The following AFG2A variants were observed in gnomAD, a reference collection of about 807,000 sequenced individuals.
AFG2A encodes AAA ATPase AFG2A.
At chr4:123,003,028 T>C in the AFG2A span, among the ~76,000 whole-genome samples, 1 of 152,198 alleles carries the variant, frequency 6.6e-6, no homozygotes, top group Admixed American at 6.5e-5. Context: ...TTCTCTAAAC[T>C]TCCCTTCTTG....
the AFG2A span, among the ~76,000 whole-genome samples, chr4:123,043,005 C>A: frequency 6.6e-6 from 1 of 152,130 alleles, no homozygotes; most frequent in African/African-American, 2.4e-5. Context: ...ATCTAGGTTT[C>A]CATTTGATAT....
At chr4:123,225,698 T>C in the AFG2A span, among the ~76,000 whole-genome samples, 3 of 152,334 alleles carry the variant, frequency 2.0e-5, 1 homozygote, top group South Asian at 6.2e-4. Context: ...ATGTAGGCTC[T>C]TTTTTGGTTC....
At chr4:123,096,183 A>G in the AFG2A span, among the ~76,000 whole-genome samples, 1 of 151,748 alleles carries the variant, frequency 6.6e-6, no homozygotes, top group African/African-American at 2.4e-5. Flanking sequence ...GCTTTTTTCT[A>G]CCTCCTGCTT....
At chr4:123,107,277 G>A in the AFG2A span, among the ~76,000 whole-genome samples, 1 of 152,214 alleles carries the variant, frequency 6.6e-6, no homozygotes, top group East Asian at 1.9e-4. Flanking sequence ...TGGGTCCTGA[G>A]TTCTTGTCCC....
chr4:123,297,718 CA>C, the AFG2A span, among the ~76,000 whole-genome samples: 14 of 143,684 alleles, frequency 9.7e-5, no homozygotes, highest in African/African-American at 1.3e-4. Context: ...GACTCCATCT[CA>C]AAAAAAAAAA....
the AFG2A span, among the ~76,000 whole-genome samples, chr4:123,222,693 T>A: frequency 6.6e-6 from 1 of 152,150 alleles, no homozygotes; most frequent in Non-Finnish European, 1.5e-5. Context: ...TAACTCCTCA[T>A]TTCCCCCTCT....
the AFG2A span, among the ~76,000 whole-genome samples, chr4:123,244,469 G>A: frequency 0.012 from 1,777 of 152,212 alleles, 31 homozygotes; most frequent in African/African-American, 0.04. Flanking sequence ...ATCACCACTC[G>A]GCGTCACCAC....
the AFG2A span, among the ~76,000 whole-genome samples, chr4:122,975,067 G>A: frequency 2.7e-4 from 41 of 152,082 alleles, no homozygotes; most frequent in Non-Finnish European, 2.9e-4. Flanking sequence ...ATTTATCATC[G>A]TCTTAGTCCA....
chr4:123,291,529 C>T, the AFG2A span, among the ~76,000 whole-genome samples: 1 of 152,238 alleles, frequency 6.6e-6, no homozygotes, highest in East Asian at 1.9e-4. Context: ...TGACAAATTC[C>T]CTCAGCATTT....
the AFG2A span, among the ~76,000 whole-genome samples, chr4:123,013,148 A>AG: frequency 6.6e-6 from 1 of 152,090 alleles, no homozygotes; most frequent in African/African-American, 2.4e-5. Flanking sequence ...GGCAGGGGTC[A>AG]GGGGGTCACA....
the AFG2A span, among the ~76,000 whole-genome samples, chr4:122,951,114 A>G: frequency 2.6e-5 from 4 of 152,040 alleles, no homozygotes; most frequent in African/African-American, 9.7e-5. Context: ...CACATGGTAG[A>G]TCATTTTATG....
chr4:123,055,191 G>C, the AFG2A span, among the ~76,000 whole-genome samples: 58 of 152,102 alleles, frequency 3.8e-4, no homozygotes, highest in African/African-American at 1.3e-3. Flanking sequence ...TGAACTCAGC[G>C]TAAAGACCTT....
the AFG2A span, among the ~76,000 whole-genome samples, chr4:123,001,415 T>G: frequency 1.3e-5 from 2 of 152,090 alleles, no homozygotes; most frequent in East Asian, 3.9e-4. Context: ...ATTTTGGATC[T>G]TTCCTGCTTT....
At chr4:123,196,167 A>ATTTTTTTTTTTTTTT in the AFG2A span, among the ~76,000 whole-genome samples, 1 of 79,676 alleles carries the variant, frequency 1.3e-5, no homozygotes, top group African/African-American at 4.6e-5. Context: ...TGCCCAGCTA[A>ATTTTTTTTTTTTTTT]TTTTTTTTTT....
At chr4:123,244,707 A>G in the AFG2A span, among the ~76,000 whole-genome samples, 5 of 152,178 alleles carry the variant, frequency 3.3e-5, no homozygotes, top group South Asian at 2.1e-4. Flanking sequence ...GTTTTTAAAA[A>G]TCGTTTATAT....
chr4:123,276,745 G>A, the AFG2A span, among the ~76,000 whole-genome samples: 1 of 151,978 alleles, frequency 6.6e-6, no homozygotes. Context: ...GGGAGTCCTT[G>A]CTCTATTGCT....
At chr4:123,295,123 G>A in the AFG2A span, among the ~76,000 whole-genome samples, 2 of 152,196 alleles carry the variant, frequency 1.3e-5, no homozygotes, top group Admixed American at 1.3e-4. Context: ...CAGCAGCAGT[G>A]GTGATCACCA....
the AFG2A span, among the ~76,000 whole-genome samples, chr4:123,083,481 G>A: frequency 1.3e-5 from 2 of 151,528 alleles, no homozygotes; most frequent in Non-Finnish European, 2.9e-5. Context: ...AACATCAATT[G>A]TAATGTAATG....
the AFG2A span, among the ~76,000 whole-genome samples, chr4:123,083,559 C>CTTTTTTTTT: frequency 7.5e-6 from 1 of 132,886 alleles, no homozygotes; most frequent in African/African-American, 2.8e-5. Context: ...TATAATTATT[C>CTTTTTTTTT]TTTTTTTTTT....
Sources: gnomAD v4.1 joint callset for allele counts (sites outside exome capture counted in the v4.1 genomes callset) on GRCh38, gnomAD v4.1.1 for gene constraint, MANE v1.5 for transcripts, NCBI Gene and HGNC (gene_info 2026-07-23, HGNC 2026-07-21) for gene names.